Variants in GREB1 observed in about 807,000 individuals in gnomAD.
The protein encoded by GREB1 is growth regulating estrogen receptor binding 1, also known as protein GREB1.
In GREB1, 106 loss-of-function variants were observed where a neutral mutation model predicts 200.7. The observed-to-expected ratio is 0.53, with a 90% CI of 0.45 to 0.62. The LOEUF is 0.62. Among genes scored for constraint, GREB1 ranks in the 20% least tolerant of loss-of-function variants. The probability of loss-of-function intolerance (pLI) is 0.00; values close to 1 mark genes in which losing one functional copy is unlikely to be tolerated. For missense variants in GREB1, 2,243 were observed against 2,556.8 expected (o/e 0.88, Z 2.65); for synonymous variants, 1,132 against 1,092.4 (o/e 1.04, Z -0.72).
intron 19 of GREB1, 94 bp from the exon 20 acceptor site, chr2:11,614,997 G>C: frequency 1.1e-6 from 1 of 903,870 alleles, no homozygotes; most frequent in Non-Finnish European, 1.8e-6. Flanking sequence ...CAGGAAGGTG[G>C]GGTGTGGTCC....
intron 1 of GREB1, among the ~76,000 whole-genome samples, chr2:11,554,493 C>T (rs560099882): frequency 1.3e-5 from 2 of 152,248 alleles, no homozygotes; most frequent in South Asian, 2.1e-4. Context: ...AGAACAAGGA[C>T]GAGGGGAATT....
chr2:11,584,156 T>G (rs1164935214), intron 7 of GREB1, among the ~76,000 whole-genome samples: 2 of 152,222 alleles, frequency 1.3e-5, no homozygotes, highest in African/African-American at 4.8e-5. Flanking sequence ...GACAGAGTTT[T>G]AAAAGTTTCC....
In GREB1 at chr2:11,629,179, C is replaced by T. The variant is rs1426888340; in HGVS notation, c.4450-769C>T. On this transcript the variant is annotated intron_variant, in intron 25 of 32. Coordinates refer to ENST00000381486, the MANE Select transcript of GREB1 (RefSeq NM_014668.4). This position sits in a 1 kb window ranked among gnomAD's most constrained non-coding sequence, Gnocchi z 5.2. ...CTCGTCTGCCTCCTTCCCTGCAGAC[C>T]CTGGATGCATGCATAGCACATGCTA... Among the ~76,000 whole-genome samples, 2 of 104,386 alleles carry T rather than the reference C, an allele frequency of 1.9e-5. No individual in the cohort carries two copies. Among genetic ancestry groups the T allele is most frequent in the Admixed American group, 1.8e-4 (2 of 11,414 alleles). The allele number at this position is 104,386 out of a possible 152,430, so 68.5% of individuals were successfully genotyped here. A position where few individuals can be genotyped will look rare whatever the true frequency, so the allele number is the denominator to read the frequency against.
intron 1 of GREB1, among the ~76,000 whole-genome samples, chr2:11,551,968 G>A (rs2147830181): frequency 6.6e-6 from 1 of 152,340 alleles, no homozygotes; most frequent in South Asian, 2.1e-4. Flanking sequence ...TGAATGCTCA[G>A]ATTTAACTAG....
Position 11,618,427 on chromosome 2 carries a change from G to T in GREB1, c.3552G>T (p.Gly1184=), listed in dbSNP as rs776138840. The T allele has an allele frequency of 2.5e-6, 4 of 1,606,554 alleles. No individual in the cohort carries two copies. Among genetic ancestry groups the T allele is most frequent in the Admixed American group, 1.7e-5 (1 of 58,932 alleles). ...AACAGAGGCCCCGGGCAAGTCAGGG[G>T]CCACCCTCGGCCATCAGCAGGCACA... ...GEKQRPRASQ[G]PPSAISRHSP... Residue 1184 remains glycine (G), a synonymous_variant, in exon 22 of 33, where the codon GGG becomes GGT. Transcript: ENST00000381486.
At chr2:11,595,558 G>A (rs1156491900) in intron 12 of GREB1, among the ~76,000 whole-genome samples, 179 bp downstream of exon 12, 2 of 152,086 alleles carry the variant, frequency 1.3e-5, no homozygotes, top group East Asian at 1.9e-4. Context: ...TGACAGCTGC[G>A]GGTTCTGGCT....
chr2:11,539,614 G>T (rs1325300881), intron 1 of GREB1, among the ~76,000 whole-genome samples: 1 of 152,150 alleles, frequency 6.6e-6, no homozygotes, highest in Non-Finnish European at 1.5e-5. Flanking sequence ...AAACTTCCAT[G>T]TAGTTTAAAA....
intron 25 of GREB1, among the ~76,000 whole-genome samples, chr2:11,627,971 G>T (rs1684601099): frequency 6.6e-6 from 1 of 152,230 alleles, no homozygotes; most frequent in Admixed American, 6.5e-5. Flanking sequence ...AGGGGAGGTG[G>T]GGTTTCCAGG....
At chr2:11,518,151 G>A (rs1279293567) in intron 1 of GREB1, among the ~76,000 whole-genome samples, 7 of 152,164 alleles carry the variant, frequency 4.6e-5, no homozygotes, top group Non-Finnish European at 8.8e-5. Flanking sequence ...TTCTTTTATG[G>A]TCTGCAATGG....
chr2:11,616,222 C>T (rs896289796), intron 20 of GREB1, among the ~76,000 whole-genome samples: 3 of 152,248 alleles, frequency 2.0e-5, no homozygotes, highest in Admixed American at 6.5e-5. Context: ...CTGGCCTCTG[C>T]GCTGCACGGC....
chr2:11,638,695 A>C lies in GREB1; in HGVS notation c.5572A>C (p.Arg1858=), dbSNP rs1368678844. The C allele has an allele frequency of 1.2e-6, 2 of 1,613,858 alleles. No homozygotes were observed. Among genetic ancestry groups the C allele is most frequent in the African/African-American group, 2.7e-5 (2 of 74,922 alleles). ...GATTTCTGTTTGCTATGTGAGCTCC[A>C]GGCCCCACTCTTTAAACATCAGCTG... ...SQISVCYVSS[R]PHSLNISCSD... The change falls in exon 32 of 33, where the codon AGG becomes CGG. Residue 1858 remains arginine, a synonymous_variant. Coordinates refer to ENST00000381486, the MANE Select transcript of GREB1 (RefSeq NM_014668.4).
rs752727616 is a variant in GREB1, at chr2:11,597,876, C to G, written c.2050C>G (p.Gln684Glu). 5 of 1,614,022 alleles carry G rather than the reference C, an allele frequency of 3.1e-6. No homozygotes were observed. The African/African-American group carries it at 5.3e-5, about 17-fold the overall frequency. The change falls in exon 14 of 33, where the codon CAA (glutamine) becomes GAA (glutamate). Residue 684 changes from glutamine to glutamate, a missense_variant. Gln to Glu is a conservative substitution (Grantham distance 29). Around this residue, in one of 3 missense-constraint regions of GREB1, gnomAD observed 1,178 missense variants for 1,387.4 expected, o/e 0.85. Transcript: ENST00000381486. The surrounding 1 kb of genome is among the most constrained non-coding windows in gnomAD (Gnocchi z 4.1). ...HVCSIADSST[Q>E]NLDLGSFEKV... is the part of the protein sequence containing the mutation. ...GTGTTCCATTGCGGATTCCAGCACC[C>G]AAAATCTGGACCTGGGATCCTTTGA...
chr2:11,519,129 C>T lies in GREB1; in HGVS notation c.-159+36748C>T, dbSNP rs116628462. On this transcript the variant is annotated intron_variant, in intron 1 of 2. Transcript: ENST00000628795. ...AAAAAAAAAAAAGGAAAAATCCCCT[C>T]GAAAGTCTTATCTTTTTCCTTGGCA... Among the ~76,000 whole-genome samples the T allele has an allele frequency of 4.7e-3, 715 of 151,426 alleles. 3 individuals are homozygous for T. The highest frequency in any genetic ancestry group is 0.014 in the African/African-American group (577 of 41,318).
intron 17 of GREB1, among the ~76,000 whole-genome samples, chr2:11,609,672 G>A (rs746601810): frequency 2.0e-5 from 3 of 152,188 alleles, no homozygotes; most frequent in Non-Finnish European, 4.4e-5. Context: ...TGTGACCTGC[G>A]TAGTGGATGA....
intron 10 of GREB1, among the ~76,000 whole-genome samples, chr2:11,590,398 T>C (rs545883748): frequency 2.6e-5 from 4 of 152,306 alleles, no homozygotes; most frequent in Non-Finnish European, 5.9e-5. Context: ...GGGCCCAGCC[T>C]GCCTCCTGGT....
chr2:11,582,547 A>AG (rs1462069909), intron 7 of GREB1, among the ~76,000 whole-genome samples: 1 of 152,186 alleles, frequency 6.6e-6, no homozygotes, highest in South Asian at 2.1e-4. Flanking sequence ...TCTGTGCAGG[A>AG]GGGCCCCCTG....
In GREB1 at chr2:11,595,288, C is replaced by A. The variant is rs769906233; in HGVS notation, c.1734C>A (p.Leu578=). 1.9e-6 allele frequency: 3 copies of A among 1,613,152 alleles called. No individual in the cohort carries two copies. The highest frequency in any genetic ancestry group is 4.5e-5 in the East Asian group (2 of 44,878). The change falls in exon 12 of 33, where the codon CTC becomes CTA. Residue 578 remains leucine, a synonymous_variant. Transcript: ENST00000381486. The part of the protein sequence containing the change: ...YQARILSESL[L]TPAEYQKEVN... ...CCCGGATTCTTTCCGAGAGCCTTCT[C>A]ACTCCTGCGGAGTACCAGAAGGAAG...
At chr2:11,593,441 C>A (rs1331154165) in intron 11 of GREB1, among the ~76,000 whole-genome samples, 2 of 152,162 alleles carry the variant, frequency 1.3e-5, no homozygotes, top group Admixed American at 1.3e-4. Context: ...CTTCACTGAT[C>A]TATTGGAGAT....
chr2:11,626,863 G>T (rs1012102168), intron 24 of GREB1, 99 bp from the exon 25 acceptor site: 2 of 1,240,832 alleles, frequency 1.6e-6, no homozygotes, highest in Admixed American at 1.8e-5. Context: ...GAATCCTGTT[G>T]TCTGGTCATT....
Sources: gnomAD v4.1 joint callset for allele counts (sites outside exome capture counted in the v4.1 genomes callset) on GRCh38, gnomAD v4.1.1 for gene constraint, gnomAD v4.1.1 regional missense constraint, Gnocchi (gnomAD v3.1) non-coding constraint, MANE v1.5 for transcripts, NCBI Gene and HGNC (gene_info 2026-07-23, HGNC 2026-07-21) for gene names.